The following SHC3 variants were observed in gnomAD, a reference collection of about 807,000 sequenced individuals.
The protein encoded by SHC3 is SHC adaptor protein 3, also known as SHC-transforming protein 3.
SHC3 carries 15 observed loss-of-function variants against 60.4 expected under a neutral mutation model. The ratio of observed to expected loss-of-function variants is 0.25; its 90% CI spans 0.17 to 0.38. The LOEUF (loss-of-function observed/expected upper bound fraction) is 0.38, where lower values mean the gene tolerates loss of function less well. Ranked by LOEUF, SHC3 falls within the 10% of genes least tolerant of loss-of-function variation. The pLI is 1.00. For missense variants in SHC3, 677 were observed against 786.1 expected, an observed-to-expected ratio of 0.86 and a Z score of 1.66; for synonymous variants, 294 against 325.9, an observed-to-expected ratio of 0.90 and a Z score of 1.05.
At chr9:89,021,118 C>T (rs1411636074) in intron 11 of SHC3, among the ~76,000 whole-genome samples, 1 of 152,216 alleles carries the variant, frequency 6.6e-6, no homozygotes, top group African/African-American at 2.4e-5. Flanking sequence ...AATATTCTAG[C>T]AGAATCAGGT....
chr9:89,022,714 T>A (rs937637069), intron 11 of SHC3, among the ~76,000 whole-genome samples: 1 of 152,140 alleles, frequency 6.6e-6, no homozygotes, highest in Non-Finnish European at 1.5e-5. Context: ...CACCTCCTTA[T>A]GAAAAATCAT....
intron 2 of SHC3, among the ~76,000 whole-genome samples, chr9:89,084,700 G>T (rs1825500501): frequency 6.6e-6 from 1 of 152,172 alleles, no homozygotes; most frequent in South Asian, 2.1e-4. Context: ...CAAATTGACT[G>T]CTTCCTGATG....
chr9:89,136,881 T>C (rs1003231500), intron 1 of SHC3, among the ~76,000 whole-genome samples: 1 of 152,014 alleles, frequency 6.6e-6, no homozygotes, highest in African/African-American at 2.4e-5. Flanking sequence ...TGAGGCTGGG[T>C]GATTTATGAA....
chr9:89,114,242 T>C (rs1355368521), intron 1 of SHC3, among the ~76,000 whole-genome samples: 2 of 152,144 alleles, frequency 1.3e-5, no homozygotes, highest in African/African-American at 4.8e-5. Context: ...CCACTATCAT[T>C]GTGGAATTAC....
intron 2 of SHC3, among the ~76,000 whole-genome samples, chr9:89,108,633 G>C (rs1374421412): frequency 2.0e-5 from 3 of 152,126 alleles, no homozygotes; most frequent in Admixed American, 1.3e-4. Flanking sequence ...CTAATTTACG[G>C]ATAAGATTTC....
At chr9:89,051,913 C>A in intron 7 of SHC3, 124 bp downstream of exon 7, 1 of 1,409,180 alleles carries the variant, frequency 7.1e-7, no homozygotes, top group Admixed American at 2.0e-5. Flanking sequence ...CCAGGTGTCT[C>A]TGAGCCCAGG....
chr9:89,113,465 G>A (rs570482762), intron 1 of SHC3, among the ~76,000 whole-genome samples: 1 of 152,164 alleles, frequency 6.6e-6, no homozygotes, highest in Admixed American at 6.5e-5. Flanking sequence ...ACTACAGCCT[G>A]GGCGACAGAG....
chr9:89,071,114 T>C (rs1248093639), intron 5 of SHC3, 85 bp downstream of exon 5: 2 of 1,268,092 alleles, frequency 1.6e-6, no homozygotes, highest in African/African-American at 3.0e-5. Flanking sequence ...TTTTTTACAG[T>C]GTCTTGCAAG....
At position 89,172,528 on chromosome 9, in the gene SHC3, G is replaced by GAC. The variant is rs572394816; in HGVS notation, c.474+5457_474+5458dup. 5.7e-3 allele frequency among the ~76,000 whole-genome samples: 856 copies of GAC among 150,048 alleles called. 7 individuals are homozygous for GAC. The highest frequency in any genetic ancestry group is 0.02 in the African/African-American group (813 of 40,824). ...ACCCCATCACACACACACAGACACA[G>GAC]ACACACACACACACGAAGACACAGA... On this transcript the variant is annotated intron_variant, in intron 1 of 11. Transcript: ENST00000375835.
At chr9:89,080,915 G>A (rs925102597) in intron 2 of SHC3, among the ~76,000 whole-genome samples, 1 of 151,500 alleles carries the variant, frequency 6.6e-6, no homozygotes, top group Non-Finnish European at 1.5e-5. Context: ...TGCAGGCGCC[G>A]GCCACCACGC....
At chr9:89,088,666 G>A (rs529292058) in intron 2 of SHC3, 2 of 152,310 alleles carry the variant, frequency 1.3e-5, no homozygotes, top group East Asian at 3.9e-4. Context: ...CAGTAGAAAG[G>A]TCACCAGAAA....
intron 5 of SHC3, among the ~76,000 whole-genome samples, chr9:89,068,660 A>AT (rs75622970): frequency 0.039 from 5,911 of 151,618 alleles, 129 homozygotes; most frequent in Middle Eastern, 0.099. Flanking sequence ...AATGTTTCCA[A>AT]TTTTTTTTAA....
intron 1 of SHC3, among the ~76,000 whole-genome samples, chr9:89,155,986 C>T (rs571656439): frequency 2.4e-4 from 36 of 152,214 alleles, no homozygotes; most frequent in African/African-American, 8.4e-4. Context: ...GAATCTATAC[C>T]CATAGCAAAA....
At chr9:89,049,054 G>A (rs1251847218) in intron 7 of SHC3, among the ~76,000 whole-genome samples, 1 of 152,172 alleles carries the variant, frequency 6.6e-6, no homozygotes, top group Non-Finnish European at 1.5e-5. Flanking sequence ...GAGGTCAGGA[G>A]ATCGATACCA....
At chr9:89,075,381 G>A (rs764738892) in intron 3 of SHC3, among the ~76,000 whole-genome samples, 153 bp from the exon 4 acceptor site, 14 of 152,164 alleles carry the variant, frequency 9.2e-5, no homozygotes, top group South Asian at 2.1e-4. Flanking sequence ...TGGGAGTAGG[G>A]GGATCCGAAG....
At chr9:89,111,302 T>A (rs1247695019) in intron 2 of SHC3, among the ~76,000 whole-genome samples, 1 of 152,196 alleles carries the variant, frequency 6.6e-6, no homozygotes, top group African/African-American at 2.4e-5. Flanking sequence ...ATGACCAATT[T>A]CACACAGTTC....
At chr9:89,109,594 C>T (rs994062853) in intron 2 of SHC3, 36 of 985,390 alleles carry the variant, frequency 3.7e-5, no homozygotes, top group East Asian at 1.1e-4. Context: ...AGAGGGTGGA[C>T]GCAGTTGCGA....
chr9:89,101,604 C>CAT (rs201084949), intron 2 of SHC3, among the ~76,000 whole-genome samples: 97 of 148,016 alleles, frequency 6.6e-4, no homozygotes, highest in Admixed American at 1.5e-3. Flanking sequence ...TTGAGATTTT[C>CAT]ATATATATAT....
At position 89,038,165 on chromosome 9, in the gene SHC3, T is replaced by C. The variant is rs761405264; in HGVS notation, c.1484A>G (p.Gln495Arg). Residue 495 changes from glutamine to arginine, a missense_variant, in exon 11 of 12, where the codon CAA becomes CGA. Coordinates refer to ENST00000375835, the MANE Select transcript of SHC3 (RefSeq NM_016848.6). Reference protein sequence around the residue: ...APDAKMLEELQAETWYQGEMS... With the variant: ...APDAKMLEELRAETWYQGEMS... ...CTCTCCTTGGTACCAAGTCTCGGCT[T>C]GCAGTTCCTCCAGCATCTTGGCATC... is the stretch of plus-strand genomic sequence containing the variant. 6.2e-7 allele frequency: 1 copy of C among 1,614,008 alleles called. No homozygotes were observed. Among genetic ancestry groups the C allele is most frequent in the Non-Finnish European group, 8.5e-7 (1 of 1,179,986 alleles).
Sources: gnomAD v4.1 joint callset for allele counts (sites outside exome capture counted in the v4.1 genomes callset) on GRCh38, gnomAD v4.1.1 for gene constraint, MANE v1.5 for transcripts, NCBI Gene and HGNC (gene_info 2026-07-23, HGNC 2026-07-21) for gene names.